DGKB: variants seen among roughly 807,000 people sequenced by gnomAD.
DGKB encodes the protein diacylglycerol kinase beta, also known as 90 kDa diacylglycerol kinase.
In DGKB, 67 loss-of-function variants were observed where a neutral mutation model predicts 114.3. That is an observed-to-expected ratio of 0.59 (90% CI 0.48 to 0.72). DGKB has a LOEUF of 0.72. Among genes scored for constraint, DGKB ranks in the 30% least tolerant of loss-of-function variants. The pLI, the probability that DGKB is intolerant of heterozygous loss-of-function variation, is 0.00. For synonymous variants in DGKB, 398 were observed against 323.1 expected, an observed-to-expected ratio of 1.23 and a Z score of -2.49; for missense variants, 907 against 975.2, an observed-to-expected ratio of 0.93 and a Z score of 0.93.
At chr7:14,209,185 A>C (rs199701925) in intron 23 of DGKB, 71 of 219,470 alleles carry the variant, frequency 3.2e-4, no homozygotes, top group South Asian at 1.3e-3. Context: ...AAAAAAAAAA[A>C]CGCCAAATTT....
intron 1 of DGKB, among the ~76,000 whole-genome samples, chr7:14,908,637 G>C (rs1339081559): frequency 1.3e-5 from 2 of 152,080 alleles, no homozygotes; most frequent in Admixed American, 1.3e-4. Flanking sequence ...GAGTTGGGGA[G>C]GGCCTGAATA....
At chr7:14,837,496 G>C (rs1420223270) in intron 2 of DGKB, among the ~76,000 whole-genome samples, 1 of 152,104 alleles carries the variant, frequency 6.6e-6, no homozygotes, top group Non-Finnish European at 1.5e-5. Context: ...ATACTTATTT[G>C]ATATATACCA....
chr7:14,861,290 C>T (rs1850940681), intron 1 of DGKB, among the ~76,000 whole-genome samples: 1 of 151,440 alleles, frequency 6.6e-6, no homozygotes, highest in South Asian at 2.1e-4. Flanking sequence ...AATACCGTTA[C>T]TACATAGATT....
intron 6 of DGKB, among the ~76,000 whole-genome samples, chr7:14,704,853 A>C (rs1825905646): frequency 6.6e-6 from 1 of 152,088 alleles, no homozygotes; most frequent in South Asian, 2.1e-4. Flanking sequence ...AGTAGATAAA[A>C]CCACAAAGAT....
intron 6 of DGKB, among the ~76,000 whole-genome samples, chr7:14,713,119 C>A (rs1357856): frequency 6.6e-6 from 1 of 151,782 alleles, no homozygotes; most frequent in African/African-American, 2.4e-5. Flanking sequence ...TGCCCACACA[C>A]GTATTTAGTT....
At chr7:14,286,458 A>C (rs1286915469) in intron 23 of DGKB, among the ~76,000 whole-genome samples, 2 of 152,170 alleles carry the variant, frequency 1.3e-5, no homozygotes, top group Non-Finnish European at 2.9e-5. Context: ...AGATAAATCA[A>C]GATTTGGAAT....
chr7:14,152,749 G>C (rs1291081457), intron 25 of DGKB, among the ~76,000 whole-genome samples: 1 of 152,074 alleles, frequency 6.6e-6, no homozygotes, highest in Non-Finnish European at 1.5e-5. Flanking sequence ...ACAAAGCATA[G>C]TCTTCATCTT....
At chr7:14,540,578 T>C (rs1346596040) in intron 20 of DGKB, among the ~76,000 whole-genome samples, 1 of 152,228 alleles carries the variant, frequency 6.6e-6, no homozygotes, top group Non-Finnish European at 1.5e-5. Context: ...CAGTTGCTAA[T>C]TCGTTTATCT....
chr7:14,421,036 A>T (rs149292798), intron 21 of DGKB, among the ~76,000 whole-genome samples: 377 of 152,212 alleles, frequency 2.5e-3, no homozygotes, highest in African/African-American at 8.4e-3. Flanking sequence ...CTTCATTTGC[A>T]TAAGGTGCCA....
intron 23 of DGKB, among the ~76,000 whole-genome samples, chr7:14,181,237 T>C (rs1438321392): frequency 1.3e-5 from 2 of 152,182 alleles, no homozygotes; most frequent in African/African-American, 4.8e-5. Context: ...AAATATTTAC[T>C]ATGTGGACCT....
At chr7:14,268,251 C>G (rs946156516) in intron 23 of DGKB, among the ~76,000 whole-genome samples, 7 of 151,904 alleles carry the variant, frequency 4.6e-5, no homozygotes, top group African/African-American at 1.7e-4. Context: ...CACTGCCTCT[C>G]TTCAAATATT....
chr7:14,530,797 G>A (rs1340065064), intron 20 of DGKB, among the ~76,000 whole-genome samples: 1 of 151,450 alleles, frequency 6.6e-6, no homozygotes, highest in Non-Finnish European at 1.5e-5. Context: ...CGTTGTTCTT[G>A]TATAGAATGT....
chr7:14,441,252 C>G (rs1003339629), intron 21 of DGKB, among the ~76,000 whole-genome samples: 1 of 152,074 alleles, frequency 6.6e-6, no homozygotes, highest in Non-Finnish European at 1.5e-5. Flanking sequence ...ACTGATCTGC[C>G]CATCTCAGCC....
intron 8 of DGKB, among the ~76,000 whole-genome samples, chr7:14,697,258 C>G (rs1258891642): frequency 6.6e-6 from 1 of 152,064 alleles, no homozygotes; most frequent in East Asian, 1.9e-4. Context: ...AGCTGAAGAG[C>G]TTTGGGCAAG....
intron 13 of DGKB, among the ~76,000 whole-genome samples, chr7:14,640,910 G>A (rs1253300556): frequency 1.3e-5 from 2 of 152,112 alleles, no homozygotes; most frequent in Non-Finnish European, 2.9e-5. Context: ...GGTTTTGACT[G>A]CATTCAAAAT....
chr7:14,224,115 T>A (rs907374737), intron 23 of DGKB, among the ~76,000 whole-genome samples: 1 of 151,900 alleles, frequency 6.6e-6, no homozygotes, highest in Non-Finnish European at 1.5e-5. Flanking sequence ...TTAAAAAATA[T>A]TTCTCCTGCT....
chr7:14,808,515 AAG>A (rs2128071443), intron 2 of DGKB, among the ~76,000 whole-genome samples: 1 of 152,242 alleles, frequency 6.6e-6, no homozygotes, highest in South Asian at 2.1e-4. Context: ...TTTCACTGTA[AAG>A]AGTTTCAAGG....
intron 23 of DGKB, among the ~76,000 whole-genome samples, chr7:14,196,209 C>T (rs1785002004): frequency 1.3e-5 from 2 of 152,108 alleles, no homozygotes; most frequent in Non-Finnish European, 2.9e-5. Context: ...TGAACTGAGA[C>T]AGGGACTGTT....
chr7:14,456,364 C>T (rs1832285598), intron 21 of DGKB, among the ~76,000 whole-genome samples: 1 of 152,020 alleles, frequency 6.6e-6, no homozygotes, highest in Non-Finnish European at 1.5e-5. Context: ...GAAGTTAATT[C>T]TGTATAATAT....
Sources: gnomAD v4.1 joint callset for allele counts (sites outside exome capture counted in the v4.1 genomes callset) on GRCh38, gnomAD v4.1.1 for gene constraint, MANE v1.5 for transcripts, NCBI Gene and HGNC (gene_info 2026-07-23, HGNC 2026-07-21) for gene names.